The following NEMP2 variants were observed in gnomAD, a reference collection of about 807,000 sequenced individuals.
NEMP2 encodes the protein UPF0571 transmembrane protein.
A neutral mutation model predicts 54.2 loss-of-function variants in NEMP2; 53 were observed. The ratio of observed to expected loss-of-function variants is 0.98; its 90% CI spans 0.78 to 1.23. The LOEUF (loss-of-function observed/expected upper bound fraction) is 1.23, where lower values mean the gene tolerates loss of function less well. Among genes scored for constraint, NEMP2 ranks in the 50% most tolerant of loss-of-function variants. The pLI, the probability that NEMP2 is intolerant of heterozygous loss-of-function variation, is 0.00. For synonymous variants in NEMP2, 197 were observed against 190.3 expected (o/e 1.04, Z -0.29); for missense variants, 455 against 511.3 (o/e 0.89, Z 1.06).
At chr2:190,569,145 T>C in the NEMP2 span, among the ~76,000 whole-genome samples, 1 of 152,224 alleles carries the variant, frequency 6.6e-6, no homozygotes, top group Non-Finnish European at 1.5e-5. Flanking sequence ...CTTTGTCTTT[T>C]AGACTTTGAG....
chr2:190,456,051 C>A, the NEMP2 span, among the ~76,000 whole-genome samples: 2 of 144,022 alleles, frequency 1.4e-5, no homozygotes, highest in African/African-American at 5.1e-5. The surrounding 1 kb of genome is among the most constrained non-coding windows in gnomAD (Gnocchi z 5.4). Flanking sequence ...AGCAGTTCTC[C>A]TGTGTCAGCC....
the NEMP2 span, among the ~76,000 whole-genome samples, chr2:190,622,547 TA>T: frequency 6.6e-6 from 1 of 152,052 alleles, no homozygotes; most frequent in African/African-American, 2.4e-5. Context: ...AATGTAAGGG[TA>T]AAAATTATAA....
chr2:190,583,678 G>C, the NEMP2 span, among the ~76,000 whole-genome samples: 4 of 152,292 alleles, frequency 2.6e-5, no homozygotes, highest in African/African-American at 9.6e-5. Flanking sequence ...ACTTGGTAGA[G>C]CTCAACCAGG....
the NEMP2 span, among the ~76,000 whole-genome samples, chr2:190,586,650 G>C: frequency 2.6e-5 from 4 of 152,188 alleles, no homozygotes; most frequent in Non-Finnish European, 1.5e-5. This position sits in a 1 kb window ranked among gnomAD's most constrained non-coding sequence, Gnocchi z 4.5. Flanking sequence ...TTTTCGGGGA[G>C]AGAAACATTC....
chr2:190,533,123 AC>A lies in NEMP2; in HGVS notation c.97+1435del, dbSNP rs1553535178. Among the ~76,000 whole-genome samples, 1 of 152,208 alleles carries A rather than the reference AC, an allele frequency of 6.6e-6. No individual in the cohort carries two copies. The highest frequency in any genetic ancestry group is 1.5e-5 in the Non-Finnish European group (1 of 68,050). ...AAATACTGGAAACTCTTCAGTAAAA[AC>A]ATCTTCATTTTACTCAAGAGAAAAC... On this transcript the variant is annotated intron_variant, in intron 1 of 8. Coordinates refer to ENST00000409150, the MANE Select transcript of NEMP2 (RefSeq NM_001142645.2). The surrounding 1 kb of genome is among the most constrained non-coding windows in gnomAD (Gnocchi z 4.3).
chr2:190,559,727 A>G, the NEMP2 span, among the ~76,000 whole-genome samples: 1 of 152,180 alleles, frequency 6.6e-6, no homozygotes, highest in Non-Finnish European at 1.5e-5. This position sits in a 1 kb window ranked among gnomAD's most constrained non-coding sequence, Gnocchi z 4.0. Flanking sequence ...TTAGGCATGC[A>G]GTTGTGAGGA....
Position 190,519,738 on chromosome 2 carries a change from C to T in NEMP2, c.214-555G>A, listed in dbSNP as rs1241915618. Among the ~76,000 whole-genome samples the T allele has an allele frequency of 1.3e-5, 2 of 152,190 alleles. No individual in the cohort carries two copies. The highest frequency in any genetic ancestry group is 4.8e-5 in the African/African-American group (2 of 41,454). On this transcript the variant is annotated intron_variant, in intron 2 of 8. Transcript: ENST00000409150. This position sits in a 1 kb window ranked among gnomAD's most constrained non-coding sequence, Gnocchi z 5.4. The stretch of plus-strand genomic sequence containing the variant: ...CAAGCTGTGGCTGATTTAAGTCCCT[C>T]TTCTAGCAAGTTATTGTGGCCAAGA...
rs924809792 is a variant in NEMP2, at chr2:190,534,711, A to G, written c.-56T>C. On this transcript the variant is annotated 5_prime_UTR_variant, in exon 1 of 9. Coordinates refer to ENST00000409150, the MANE Select transcript of NEMP2 (RefSeq NM_001142645.2). ...GCCCTAGGGGACCGGCTCCGCTGCG[A>G]GGAGCGGAAGTGGCGCGGGGGCTCA... 3.4e-6 allele frequency: 4 copies of G among 1,191,892 alleles called. No individual in the cohort carries two copies. The highest frequency in any genetic ancestry group is 3.2e-6 in the Non-Finnish European group (3 of 947,926). 73.8% of individuals were successfully genotyped at this position (1,191,892 alleles called of 1,614,324 possible).
the NEMP2 span, among the ~76,000 whole-genome samples, chr2:190,446,511 A>G: frequency 1.3e-5 from 2 of 152,346 alleles, no homozygotes; most frequent in Admixed American, 6.5e-5. Context: ...TTAGCAGTAA[A>G]ATCTGCCTAA....
the NEMP2 span, among the ~76,000 whole-genome samples, chr2:190,458,595 C>T: frequency 1.3e-5 from 2 of 152,172 alleles, no homozygotes; most frequent in African/African-American, 4.8e-5. The surrounding 1 kb of genome is among the most constrained non-coding windows in gnomAD (Gnocchi z 5.3). Flanking sequence ...TTTAGATTCC[C>T]TTCCCCCCGA....
the NEMP2 span, among the ~76,000 whole-genome samples, chr2:190,549,588 C>A: frequency 1.3e-5 from 2 of 152,022 alleles, no homozygotes; most frequent in Non-Finnish European, 2.9e-5. Flanking sequence ...TCATGGATTT[C>A]TATATATTTA....
the NEMP2 span, among the ~76,000 whole-genome samples, chr2:190,429,405 A>G: frequency 6.6e-6 from 1 of 150,758 alleles, no homozygotes; most frequent in African/African-American, 2.4e-5. Context: ...GGCTCACTGC[A>G]ACCTCCGTCT....
rs1691154088 is a variant in NEMP2, at chr2:190,531,797, T to C, written c.97+2762A>G. On this transcript the variant is annotated intron_variant, in intron 1 of 8. Coordinates refer to ENST00000409150, the MANE Select transcript of NEMP2 (RefSeq NM_001142645.2). The surrounding 1 kb of genome is among the most constrained non-coding windows in gnomAD (Gnocchi z 4.7). The stretch of plus-strand genomic sequence containing the variant: ...ATGTTTAAGTTAAAGAGTTGAGTCA[T>C]ATATACGGAAAAAAAAACCTCAGTC... Among the ~76,000 whole-genome samples, 1 of 152,076 alleles carries C rather than the reference T, an allele frequency of 6.6e-6. No homozygotes were observed. The highest frequency in any genetic ancestry group is 2.1e-4 in the South Asian group (1 of 4,824).
rs1308926656 is a variant in NEMP2 at position 190,534,569 on chromosome 2, T to TGCCGCC, written c.81_86dup (p.Ala29_Ala30dup). 1 of 1,400,866 alleles carries TGCCGCC rather than the reference T, an allele frequency of 7.1e-7. No homozygotes were observed. Among genetic ancestry groups the TGCCGCC allele is most frequent in the Non-Finnish European group, 9.2e-7 (1 of 1,081,964 alleles). The allele number at this position is 1,400,866 out of a possible 1,614,324, so 86.8% of individuals were successfully genotyped here. A position where few individuals can be genotyped will look rare whatever the true frequency, so the allele number is the denominator to read the frequency against. On this transcript the variant is annotated inframe_insertion, in exon 1 of 9. Transcript: ENST00000409150. Reference sequence around the variant, plus strand: ...CCGGTCCCGGGTTACCTGATAACGCTGCCGCCGCCGCCTCCCCGCGCACGG... The same window carrying TGCCGCC: ...CCGGTCCCGGGTTACCTGATAACGCTGCCGCCGCCGCCGCCGCCTCCCCGCGCACGG...
At chr2:190,422,111 CA>C in the NEMP2 span, among the ~76,000 whole-genome samples, 3 of 152,104 alleles carry the variant, frequency 2.0e-5, no homozygotes, top group East Asian at 5.8e-4. Flanking sequence ...TTTTTCTGTG[CA>C]ACTCTTTGTT....
the NEMP2 span, among the ~76,000 whole-genome samples, chr2:190,586,429 A>T: frequency 6.6e-6 from 1 of 152,330 alleles, no homozygotes; most frequent in South Asian, 2.1e-4. This position sits in a 1 kb window ranked among gnomAD's most constrained non-coding sequence, Gnocchi z 4.5. Flanking sequence ...CTTGAGTGAT[A>T]CATGGATCAT....
the NEMP2 span, among the ~76,000 whole-genome samples, chr2:190,550,647 AT>A: frequency 6.6e-6 from 1 of 152,144 alleles, no homozygotes; most frequent in African/African-American, 2.4e-5. The surrounding 1 kb of genome is among the most constrained non-coding windows in gnomAD (Gnocchi z 4.7). Flanking sequence ...TCCCTTCTCT[AT>A]TTTTTAATAG....
the NEMP2 span, among the ~76,000 whole-genome samples, chr2:190,601,277 A>T: frequency 6.6e-6 from 1 of 152,166 alleles, no homozygotes; most frequent in East Asian, 1.9e-4. The surrounding 1 kb of genome is among the most constrained non-coding windows in gnomAD (Gnocchi z 5.8). Flanking sequence ...AAGGCCCAGA[A>T]CGATCCTTCC....
chr2:190,470,353 C>A, the NEMP2 span, among the ~76,000 whole-genome samples: 2 of 152,166 alleles, frequency 1.3e-5, no homozygotes, highest in Non-Finnish European at 2.9e-5. Context: ...AATCTCTGCT[C>A]AAATGTCCTG....
Sources: allele counts gnomAD v4.1 joint callset (sites outside exome capture counted in the v4.1 genomes callset), GRCh38; gene constraint gnomAD v4.1.1; non-coding constraint Gnocchi (gnomAD v3.1); transcripts MANE v1.5; gene names NCBI Gene and HGNC (gene_info 2026-07-23, HGNC 2026-07-21).